CNTNAP4: variants seen among roughly 807,000 people sequenced by gnomAD.
CNTNAP4 encodes contactin-associated protein-like 4.
A neutral mutation model predicts 148.4 loss-of-function variants in CNTNAP4; 98 were observed. That is an observed-to-expected ratio of 0.66 (90% confidence interval 0.56 to 0.78). CNTNAP4 has a LOEUF of 0.78. Ranked by LOEUF, CNTNAP4 falls within the 30% of genes least tolerant of loss-of-function variation. CNTNAP4 has a pLI of 0.00. For missense variants in CNTNAP4, 1,935 were observed against 1,565.6 expected (o/e 1.24, Z -3.98); for synonymous variants, 730 against 565.1 (o/e 1.29, Z -4.14).
Position 76,392,570 on chromosome 16 carries a change from G to A in CNTNAP4, c.391-34882G>A, listed in dbSNP as rs184100352. Among the ~76,000 whole-genome samples, 881 of 152,218 alleles carry A rather than the reference G, an allele frequency of 5.8e-3. 9 individuals are homozygous for A. The highest frequency in any genetic ancestry group is 0.013 in the Admixed American group (204 of 15,284). ...TGGAACACGTTCTTGAGGAAATGGA[G>A]GGAAATATGTCCCCTCACCACATGT... is the stretch of plus-strand genomic sequence containing the variant. On this transcript the variant is annotated intron_variant, in intron 3 of 23. Coordinates refer to ENST00000611870, the MANE Select transcript of CNTNAP4 (RefSeq NM_033401.5).
intron 15 of CNTNAP4, among the ~76,000 whole-genome samples, chr16:76,518,374 C>T (rs1398095164): frequency 6.6e-6 from 1 of 152,060 alleles, no homozygotes; most frequent in Admixed American, 6.5e-5. Context: ...GTGATCTGCC[C>T]ACCTCAGCCC....
At chr16:76,372,235 G>T (rs2014914086) in intron 3 of CNTNAP4, among the ~76,000 whole-genome samples, 1 of 149,476 alleles carries the variant, frequency 6.7e-6, no homozygotes, top group African/African-American at 2.5e-5. Context: ...CGCCTCCCAG[G>T]TCCATGCCAT....
At chr16:76,520,764 T>G (rs1306327731) in intron 15 of CNTNAP4, among the ~76,000 whole-genome samples, 1 of 152,182 alleles carries the variant, frequency 6.6e-6, no homozygotes, top group Non-Finnish European at 1.5e-5. Flanking sequence ...AGCAGGTAAG[T>G]GTTTTAATTT....
chr16:76,492,841 T>G (rs2082271342), intron 13 of CNTNAP4, among the ~76,000 whole-genome samples: 1 of 152,172 alleles, frequency 6.6e-6, no homozygotes, highest in Non-Finnish European at 1.5e-5. Flanking sequence ...CTTTATAAAT[T>G]ACCCAGTCTC....
At chr16:76,475,576 C>T (rs537346560) in intron 10 of CNTNAP4, among the ~76,000 whole-genome samples, 3 of 152,222 alleles carry the variant, frequency 2.0e-5, no homozygotes, top group South Asian at 2.1e-4. Context: ...ATCTGTATTC[C>T]TTCTTTCAGT....
chr16:76,489,590 C>T, intron 12 of CNTNAP4, 96 bp from the exon 13 acceptor site: 1 of 623,506 alleles, frequency 1.6e-6, no homozygotes, highest in Non-Finnish European at 2.5e-6. Context: ...AAACATTTGA[C>T]TCAGATAAAA....
intron 3 of CNTNAP4, among the ~76,000 whole-genome samples, chr16:76,426,300 G>T (rs1323002956): frequency 6.6e-6 from 1 of 152,170 alleles, no homozygotes; most frequent in African/African-American, 2.4e-5. Flanking sequence ...GATACCCTGG[G>T]TATTGGTGTT....
At chr16:76,394,775 G>A (rs964449314) in intron 3 of CNTNAP4, among the ~76,000 whole-genome samples, 1 of 152,108 alleles carries the variant, frequency 6.6e-6, no homozygotes, top group Non-Finnish European at 1.5e-5. Context: ...GTAAATGAAC[G>A]TGTAGAACTT....
At chr16:76,329,123 G>A (rs905246479) in intron 2 of CNTNAP4, among the ~76,000 whole-genome samples, 1 of 152,224 alleles carries the variant, frequency 6.6e-6, no homozygotes, top group Non-Finnish European at 1.5e-5. Flanking sequence ...ATATTTGTGT[G>A]TGCCTGTATA....
chr16:76,322,874 A>C (rs913486019), intron 2 of CNTNAP4, among the ~76,000 whole-genome samples: 41 of 150,316 alleles, frequency 2.7e-4, no homozygotes, highest in Non-Finnish European at 1.5e-5. Flanking sequence ...TTACTTTGTC[A>C]CCTACGCTAC....
intron 21 of CNTNAP4, among the ~76,000 whole-genome samples, chr16:76,547,841 C>G (rs1287623039): frequency 6.6e-6 from 1 of 152,194 alleles, no homozygotes; most frequent in Non-Finnish European, 1.5e-5. Flanking sequence ...AAGAGGATGT[C>G]TACTGAATCT....
intron 1 of CNTNAP4, chr16:76,316,116 C>T (rs1189699255): frequency 4.5e-6 from 2 of 440,978 alleles, no homozygotes; most frequent in East Asian, 6.9e-5. Flanking sequence ...AATTTTCATA[C>T]AGTTAAATTT....
chr16:76,332,599 ATTAT>A (rs1336183410), intron 2 of CNTNAP4, among the ~76,000 whole-genome samples: 1 of 152,010 alleles, frequency 6.6e-6, no homozygotes, highest in Non-Finnish European at 1.5e-5. Context: ...CTGACATAAC[ATTAT>A]TTATTTAAAT....
chr16:76,401,576 CTATGTTG>C (rs2078418139), intron 3 of CNTNAP4, among the ~76,000 whole-genome samples: 2 of 152,110 alleles, frequency 1.3e-5, no homozygotes, highest in Non-Finnish European at 2.9e-5. Context: ...ACTTCTGATA[CTATGTTG>C]AACGAGAGTG....
chr16:76,431,647 T>A lies in CNTNAP4; in HGVS notation c.538+4048T>A, dbSNP rs1194284221. Among the ~76,000 whole-genome samples, 3 of 152,234 alleles carry A rather than the reference T, an allele frequency of 2.0e-5. No homozygotes were observed. The East Asian group carries it at 5.8e-4, about 29-fold the overall frequency. ...TGAACCGAAATCATCCCACTGCACT[T>A]CAGCCTGGGCAGCAGAGTGAGACTC... On this transcript the variant is annotated intron_variant, in intron 4 of 23. Coordinates refer to ENST00000611870, the MANE Select transcript of CNTNAP4 (RefSeq NM_033401.5).
chr16:76,410,777 A>G (rs543050973), intron 3 of CNTNAP4, among the ~76,000 whole-genome samples: 5 of 151,828 alleles, frequency 3.3e-5, no homozygotes, highest in African/African-American at 9.6e-5. Flanking sequence ...TGTGTGTCCT[A>G]AAAACATTTG....
intron 3 of CNTNAP4, among the ~76,000 whole-genome samples, chr16:76,385,946 C>T (rs1010060512): frequency 1.3e-5 from 2 of 151,804 alleles, no homozygotes; most frequent in African/African-American, 4.8e-5. Flanking sequence ...AGGGAAATCA[C>T]CAAAAAATGC....
chr16:76,542,670 G>C (rs2084513875), intron 21 of CNTNAP4, among the ~76,000 whole-genome samples: 1 of 152,078 alleles, frequency 6.6e-6, no homozygotes, highest in Non-Finnish European at 1.5e-5. Flanking sequence ...TGAACATCAG[G>C]CTCACAGAAG....
intron 21 of CNTNAP4, among the ~76,000 whole-genome samples, chr16:76,551,910 C>T (rs1043491088): frequency 7.2e-5 from 11 of 152,094 alleles, no homozygotes; most frequent in African/African-American, 2.7e-4. Flanking sequence ...CTTTCCCTAC[C>T]TATATACAGT....
Sources: allele counts gnomAD v4.1 joint callset (sites outside exome capture counted in the v4.1 genomes callset), GRCh38; gene constraint gnomAD v4.1.1; transcripts MANE v1.5; gene names NCBI Gene and HGNC (gene_info 2026-07-23, HGNC 2026-07-21).